NEBL: variants seen among roughly 807,000 people sequenced by gnomAD.
NEBL encodes nebulette, also known as LIM and SH3 protein 2.
In NEBL, 122 loss-of-function variants were observed where a neutral mutation model predicts 140.2. The observed-to-expected ratio is 0.87, with a 90% CI of 0.75 to 1.01. The LOEUF (loss-of-function observed/expected upper bound fraction) is 1.01. NEBL is among the 50% of genes least tolerant of loss of function. NEBL has a pLI of 0.00. For synonymous variants in NEBL, 436 were observed against 398.9 expected (o/e 1.09, Z -1.11); for missense variants, 1,365 against 1,231.3 (o/e 1.11, Z -1.62).
chr10:20,945,420 A>G (rs1017025192), intron 4 of NEBL, among the ~76,000 whole-genome samples: 1 of 152,238 alleles, frequency 6.6e-6, no homozygotes, highest in East Asian at 1.9e-4. Flanking sequence ...AGCTCAGAAA[A>G]GGTACCTTCA....
chr10:20,986,734 G>A (rs1024958353), intron 3 of NEBL, among the ~76,000 whole-genome samples: 1 of 152,130 alleles, frequency 6.6e-6, no homozygotes, highest in Admixed American at 6.6e-5. Context: ...AGAGAAACTT[G>A]TTTTCTCTTG....
At chr10:20,819,244 T>A in intron 20 of NEBL, 180 bp downstream of exon 20, 3 of 1,065,792 alleles carry the variant, frequency 2.8e-6, no homozygotes, top group Non-Finnish European at 4.0e-6. Flanking sequence ...CAGGCTCCGG[T>A]GTCTGTTATT....
chr10:20,823,336 T>C, intron 18 of NEBL, 36 bp from the exon 19 acceptor site: 1 of 1,450,280 alleles, frequency 6.9e-7, no homozygotes, highest in Non-Finnish European at 9.6e-7. Flanking sequence ...TTAACTTTAT[T>C]CTATGCAAGG....
At chr10:21,210,037 G>A (rs367622793) in intron 3 of NEBL, among the ~76,000 whole-genome samples, 1 of 152,028 alleles carries the variant, frequency 6.6e-6, no homozygotes, top group Non-Finnish European at 1.5e-5. Context: ...CCAGTTCCAC[G>A]AGCCTCAAAA....
chr10:20,925,822 T>C (rs948911057), intron 4 of NEBL, among the ~76,000 whole-genome samples: 1 of 152,318 alleles, frequency 6.6e-6, no homozygotes, highest in Non-Finnish European at 1.5e-5. Flanking sequence ...GAGCTTTCTC[T>C]AATTAACGAC....
rs1358702105 is a variant in NEBL at position 21,261,651 on chromosome 10, A to G, written n.183-9823T>C. Among the ~76,000 whole-genome samples, 4 of 152,114 alleles carry G rather than the reference A, an allele frequency of 2.6e-5. No individual in the cohort carries two copies. In the East Asian group the frequency reaches 5.8e-4, roughly 22 times the overall value. On this transcript the variant is annotated intron_variant and non_coding_transcript_variant, in intron 1 of 8. Transcript: ENST00000675702. ...AACAGAGTGAGACCCTGTCTCAAAA[A>G]AAAAAAGAAAGAAAGAAAGAAAAGA...
chr10:21,012,543 A>G (rs545893811), intron 3 of NEBL, among the ~76,000 whole-genome samples: 1 of 149,516 alleles, frequency 6.7e-6, no homozygotes, highest in Non-Finnish European at 1.5e-5. Flanking sequence ...TTTATTTGTT[A>G]TTTTTTTTTG....
At chr10:20,818,268 T>C (rs1225649948) in intron 20 of NEBL, among the ~76,000 whole-genome samples, 4 of 141,214 alleles carry the variant, frequency 2.8e-5, no homozygotes, top group East Asian at 2.4e-4. Context: ...TTCAACAATA[T>C]GTTCCAATCT....
intron 4 of NEBL, among the ~76,000 whole-genome samples, chr10:20,883,057 T>A (rs745425949): frequency 3.3e-5 from 5 of 152,204 alleles, no homozygotes; most frequent in Non-Finnish European, 5.9e-5. Context: ...ACACCTTACA[T>A]GCTCTCTTCA....
At chr10:20,912,881 CTT>C (rs397847147) in intron 4 of NEBL, among the ~76,000 whole-genome samples, 17 of 117,816 alleles carry the variant, frequency 1.4e-4, no homozygotes, top group Admixed American at 4.5e-4. Context: ...TATGCCAATT[CTT>C]TTTTTTTTTT....
chr10:21,168,057 C>T (rs1310676198), intron 2 of NEBL, among the ~76,000 whole-genome samples: 1 of 152,100 alleles, frequency 6.6e-6, no homozygotes, highest in Non-Finnish European at 1.5e-5. Context: ...TTTGATCGTT[C>T]TATCAAAAGA....
intron 2 of NEBL, chr10:21,029,632 C>A: frequency 7.0e-7 from 1 of 1,433,634 alleles, no homozygotes; most frequent in Non-Finnish European, 9.8e-7. Flanking sequence ...TGATGACTAC[C>A]CGCCTAGAAG....
chr10:20,906,218 T>A (rs1399421600), intron 4 of NEBL, among the ~76,000 whole-genome samples: 7 of 152,184 alleles, frequency 4.6e-5, no homozygotes, highest in African/African-American at 1.7e-4. Flanking sequence ...GCTTTATTAT[T>A]AAAATGCACC....
chr10:20,921,544 C>T (rs1221170831), intron 4 of NEBL, among the ~76,000 whole-genome samples: 1 of 152,182 alleles, frequency 6.6e-6, no homozygotes, highest in African/African-American at 2.4e-5. Flanking sequence ...GGCAGCATCC[C>T]CTCCCACAAT....
intron 3 of NEBL, among the ~76,000 whole-genome samples, chr10:21,000,911 A>G (rs1447777845): frequency 6.6e-6 from 1 of 152,196 alleles, no homozygotes; most frequent in Non-Finnish European, 1.5e-5. Context: ...ATTTAAGGGC[A>G]GAGAAAAAGG....
At chr10:21,259,190 C>A (rs1588572261) in intron 1 of NEBL, among the ~76,000 whole-genome samples, 1 of 151,826 alleles carries the variant, frequency 6.6e-6, no homozygotes, top group Admixed American at 6.6e-5. Context: ...TAGGTTCAAG[C>A]GATTCTTGTG....
intron 2 of NEBL, among the ~76,000 whole-genome samples, chr10:21,087,980 G>A (rs1836719251): frequency 6.6e-6 from 1 of 152,148 alleles, no homozygotes; most frequent in African/African-American, 2.4e-5. Flanking sequence ...CTACTTTATG[G>A]AGATATTATG....
chr10:20,938,770 CACA>C (rs1486728130), intron 4 of NEBL, among the ~76,000 whole-genome samples: 2 of 152,150 alleles, frequency 1.3e-5, no homozygotes, highest in East Asian at 1.9e-4. Context: ...AAAACCATCG[CACA>C]ACAACTACGT....
chr10:21,280,692 G>A (rs1448959527), intron 1 of NEBL, among the ~76,000 whole-genome samples: 1 of 119,494 alleles, frequency 8.4e-6, no homozygotes, highest in Non-Finnish European at 1.6e-5. Context: ...ACTGCTCACT[G>A]TAACCTCCAC....
Sources: gnomAD v4.1 joint callset for allele counts (sites outside exome capture counted in the v4.1 genomes callset) on GRCh38, gnomAD v4.1.1 for gene constraint, MANE v1.5 for transcripts, NCBI Gene and HGNC (gene_info 2026-07-23, HGNC 2026-07-21) for gene names.